Variants in USP6 observed in about 807,000 individuals in gnomAD.
The protein encoded by USP6 is ubiquitin specific peptidase 6.
Under a neutral mutation model 175.7 loss-of-function variants are expected in USP6, and 128 were observed. That is an observed-to-expected ratio of 0.73 (90% confidence interval 0.63 to 0.84). The LOEUF is 0.84. USP6 is among the 40% of genes least tolerant of loss of function. The pLI is 0.00. For synonymous variants in USP6, 562 were observed against 630.6 expected, an observed-to-expected ratio of 0.89 and a Z score of 1.63; for missense variants, 1,498 against 1,760.3, an observed-to-expected ratio of 0.85 and a Z score of 2.67.
chr17:5,167,203 C>T (rs1481751666), intron 33 of USP6, among the ~76,000 whole-genome samples: 1 of 152,036 alleles, frequency 6.6e-6, no homozygotes, highest in African/African-American at 2.4e-5. Flanking sequence ...TTCTGTGTTT[C>T]ATGTTATTTC....
rs561733187 is a variant in USP6 at position 5,125,249 on chromosome 17, G to A, written c.-615G>A. The A allele has an allele frequency of 5.3e-4, 85 of 159,316 alleles. 1 individual carries two copies. The South Asian group carries it at 9.9e-3, about 18-fold the overall frequency. 9.9% of individuals were successfully genotyped at this position (159,316 alleles called of 1,614,324 possible). A position where few individuals can be genotyped will look rare whatever the true frequency, so the allele number is the denominator to read the frequency against. ...CGTAGTTGCAGGAAAACAAGTTCAGGGCTCCCACTGATTCTACATTATGGT... is the reference window on the plus strand; with the variant it reads ...CGTAGTTGCAGGAAAACAAGTTCAGAGCTCCCACTGATTCTACATTATGGT... On this transcript the variant is annotated 5_prime_UTR_variant, in exon 5 of 38. Coordinates refer to ENST00000574788, the MANE Select transcript of USP6 (RefSeq NM_001304284.2).
Position 5,139,422 on chromosome 17 carries a change from C to T in USP6, c.1246C>T (p.Pro416Ser). ...PWASRFSTPC[P>S]GGAVREDTYP... ...GGCATCTCGTTTTTCCACGCCCTGT[C>T]CTGGTGGGGCTGTCCGGGAAGACAC... Residue 416 changes from proline (P) to serine (S), a missense_variant, in exon 22 of 38, where the codon CCT becomes TCT. Coordinates refer to ENST00000574788, the MANE Select transcript of USP6 (RefSeq NM_001304284.2). 1.9e-6 allele frequency: 3 copies of T among 1,613,206 alleles called. No individual in the cohort carries two copies. Among genetic ancestry groups the T allele is most frequent in the Non-Finnish European group, 1.7e-6 (2 of 1,180,022 alleles).
chr17:5,137,638 G>A lies in USP6; in HGVS notation c.826-13G>A, dbSNP rs117309938. ...GGAAGGGCCAGGTTCTCTCATACCTGCTGTCCCCACAGATCTCTCTCGGGC... is the reference window on the plus strand; with the variant it reads ...GGAAGGGCCAGGTTCTCTCATACCTACTGTCCCCACAGATCTCTCTCGGGC... On this transcript the variant is annotated splice_polypyrimidine_tract_variant and intron_variant, in intron 19 of 37. Coordinates refer to ENST00000574788, the MANE Select transcript of USP6 (RefSeq NM_001304284.2). The A allele has an allele frequency of 1.2e-3, 1,960 of 1,601,596 alleles. 10 individuals carry two copies. The African/African-American group carries it at 0.014, about 12-fold the overall frequency.
intron 31 of USP6, among the ~76,000 whole-genome samples, chr17:5,157,180 G>A (rs1362412391): frequency 6.6e-6 from 1 of 152,122 alleles, no homozygotes; most frequent in Non-Finnish European, 1.5e-5. Context: ...CCACCTCCCG[G>A]GTTCAAGTGA....
intron 22 of USP6, among the ~76,000 whole-genome samples, chr17:5,140,845 T>C (rs1456611615): frequency 1.3e-5 from 2 of 152,196 alleles, no homozygotes; most frequent in South Asian, 2.1e-4. Context: ...TTCAAACTTA[T>C]ACAGTCAATG....
intron 30 of USP6, among the ~76,000 whole-genome samples, chr17:5,152,059 T>C (rs1458224870): frequency 6.6e-6 from 1 of 152,030 alleles, no homozygotes; most frequent in African/African-American, 2.4e-5. Context: ...CTGGCCAATA[T>C]GGTGAAACTC....
intron 31 of USP6, among the ~76,000 whole-genome samples, chr17:5,161,040 C>G (rs1202343251): frequency 3.9e-5 from 6 of 152,136 alleles, no homozygotes; most frequent in Admixed American, 1.3e-4. Flanking sequence ...GAAGTTACTC[C>G]AAAAATGGTA....
chr17:5,170,930 A>G lies in USP6; in HGVS notation c.3954+15A>G, dbSNP rs762077522. ...ATGCAATTTCAGTAAGTGGTTTATTATACGGTTTTCAGAGAGTGGTCTGTG... is the reference window on the plus strand; with the variant it reads ...ATGCAATTTCAGTAAGTGGTTTATTGTACGGTTTTCAGAGAGTGGTCTGTG... On this transcript the variant is annotated intron_variant, in intron 36 of 37. Transcript: ENST00000574788. The G allele has an allele frequency of 6.2e-7, 1 of 1,607,732 alleles. No individual in the cohort carries two copies. Among genetic ancestry groups the G allele is most frequent in the South Asian group, 1.1e-5 (1 of 90,888 alleles).
Position 5,172,996 on chromosome 17 carries a change from C to G in USP6, c.*18C>G. ...TACAGTAAAGCTACCACTCTGGCTG[C>G]TAGACAGCTTGGTGGCGAGGGAGAT... On this transcript the variant is annotated 3_prime_UTR_variant, in exon 38 of 38. Coordinates refer to ENST00000574788, the MANE Select transcript of USP6 (RefSeq NM_001304284.2). 1.2e-6 allele frequency: 2 copies of G among 1,610,498 alleles called. No individual in the cohort carries two copies. The highest frequency in any genetic ancestry group is 1.7e-6 in the Non-Finnish European group (2 of 1,177,098).
intron 6 of USP6, among the ~76,000 whole-genome samples, chr17:5,126,446 G>T (rs2072897248): frequency 6.6e-6 from 1 of 152,162 alleles, no homozygotes. Flanking sequence ...GATTCTCAGG[G>T]CTCTAAGCAG....
At chr17:5,123,636 C>T (rs569503039) in intron 4 of USP6, among the ~76,000 whole-genome samples, 15 of 152,286 alleles carry the variant, frequency 9.8e-5, no homozygotes, top group African/African-American at 2.6e-4. Context: ...GGGGAGCCAG[C>T]AGGACAGGGA....
chr17:5,152,345 AGACT>A lies in USP6; in HGVS notation c.2644-3073_2644-3070del, dbSNP rs2073792721. ...CTCACCTGAACAGGTAAAATTAAACAGACTGACAGGGTTGCTAAGTAGAGCAACA... is the reference window on the plus strand; with the variant it reads ...CTCACCTGAACAGGTAAAATTAAACAGACAGGGTTGCTAAGTAGAGCAACA... On this transcript the variant is annotated intron_variant, in intron 30 of 37. Coordinates refer to ENST00000574788, the MANE Select transcript of USP6 (RefSeq NM_001304284.2). Among the ~76,000 whole-genome samples, 3 of 152,360 alleles carry A rather than the reference AGACT, an allele frequency of 2.0e-5. No homozygotes were observed. The South Asian group carries it at 6.2e-4, about 32-fold the overall frequency.
intron 4 of USP6, among the ~76,000 whole-genome samples, chr17:5,123,563 C>T (rs1449816484): frequency 2.0e-5 from 3 of 152,164 alleles, no homozygotes; most frequent in Non-Finnish European, 2.9e-5. Context: ...CACACTCACT[C>T]GCACTCACAC....
At chr17:5,133,650 G>GGGGT in intron 14 of USP6, 100 bp downstream of exon 14, 1 of 556,558 alleles carries the variant, frequency 1.8e-6, no homozygotes, top group African/African-American at 1.9e-5. Flanking sequence ...GGGGGGGTGG[G>GGGGT]AGGGGATGGT....
intron 20 of USP6, 115 bp downstream of exon 20, chr17:5,137,865 G>A (rs1303575715): frequency 6.3e-7 from 1 of 1,578,820 alleles, no homozygotes; most frequent in Non-Finnish European, 8.6e-7. Context: ...CCAGAGGGAG[G>A]TCTGGCCAGG....
At chr17:5,146,223 A>G in intron 28 of USP6, 49 bp downstream of exon 28, 1 of 1,528,222 alleles carries the variant, frequency 6.5e-7, no homozygotes, top group Non-Finnish European at 8.8e-7. Context: ...TTCAAAGATG[A>G]CATTTTTCTC....
intron 33 of USP6, among the ~76,000 whole-genome samples, chr17:5,165,234 G>C (rs2074074837): frequency 1.3e-5 from 2 of 152,142 alleles, no homozygotes; most frequent in African/African-American, 2.4e-5. Flanking sequence ...AGGATTCCCT[G>C]CCTTTTTACA....
chr17:5,141,852 C>T (rs2073456470), intron 23 of USP6, 151 bp from the exon 24 acceptor site: 19 of 1,271,030 alleles, frequency 1.5e-5, no homozygotes, highest in Admixed American at 5.8e-5. Context: ...GAAAAGCCTT[C>T]TCTAGCATTT....
At position 5,173,595 on chromosome 17, in the gene USP6, G is replaced by T. The variant is rs1598117290; in HGVS notation, c.*617G>T. ...ACACAACCAGTCATTGGTGGCAGGG[G>T]CATAGAGTGGTCAGTCTGAAAGGGA... is the stretch of plus-strand genomic sequence containing the variant. On this transcript the variant is annotated 3_prime_UTR_variant, in exon 38 of 38. Transcript: ENST00000574788. 2 of 219,230 alleles carry T rather than the reference G, an allele frequency of 9.1e-6. No homozygotes were observed. Among genetic ancestry groups the T allele is most frequent in the East Asian group, 1.3e-4 (2 of 14,978 alleles). The allele number at this position is 219,230 out of a possible 1,614,324, so 13.6% of individuals were successfully genotyped here.
Sources: gnomAD v4.1 joint callset for allele counts (sites outside exome capture counted in the v4.1 genomes callset) on GRCh38, gnomAD v4.1.1 for gene constraint, MANE v1.5 for transcripts, NCBI Gene and HGNC (gene_info 2026-07-23, HGNC 2026-07-21) for gene names.